TOPBP1: variants seen among roughly 807,000 people sequenced by gnomAD.
The protein encoded by TOPBP1 is DNA topoisomerase II binding protein 1.
Under a neutral mutation model 167.7 loss-of-function variants are expected in TOPBP1, and 28 were observed. The observed-to-expected ratio is 0.17, with a 90% confidence interval of 0.12 to 0.23. TOPBP1 has a LOEUF of 0.23. Ranked by LOEUF, TOPBP1 falls within the 10% of genes least tolerant of loss-of-function variation. The pLI is 1.00. For synonymous variants in TOPBP1, 598 were observed against 611.4 expected (o/e 0.98, Z 0.32); for missense variants, 1,554 against 1,809.6 (o/e 0.86, Z 2.56).
chr3:133,648,990 A>AT (rs1471886341), intron 10 of TOPBP1, among the ~76,000 whole-genome samples: 23 of 152,224 alleles, frequency 1.5e-4, no homozygotes, highest in African/African-American at 5.5e-4. Flanking sequence ...TTCACTGGCA[A>AT]TTTACCTTAC....
Position 133,610,903 on chromosome 3 carries a change from A to G in TOPBP1, c.4173+101T>C, listed in dbSNP as rs184346289. On this transcript the variant is annotated intron_variant, in intron 25 of 27. Transcript: ENST00000260810. ...AAAAATTTGGGGAAAAAAGACAAGT[A>G]GAATCATTATTTCCTGAAGCACATT... 127 of 1,316,104 alleles carry G rather than the reference A, an allele frequency of 9.6e-5. 1 individual carries two copies. In the African/African-American group the frequency reaches 1.8e-3, roughly 18 times the overall value. The allele number at this position is 1,316,104 out of a possible 1,614,324, so 81.5% of individuals were successfully genotyped here. A position where few individuals can be genotyped will look rare whatever the true frequency, so the allele number is the denominator to read the frequency against.
At chr3:133,623,594 T>G (rs1935171331) in intron 17 of TOPBP1, 137 bp from the exon 18 acceptor site, 1 of 993,790 alleles carries the variant, frequency 1.0e-6, no homozygotes, top group Non-Finnish European at 1.4e-6. Context: ...AAAAGTAGTT[T>G]ACACTGAAAA....
intron 2 of TOPBP1, among the ~76,000 whole-genome samples, chr3:133,660,230 A>G (rs1434561832): frequency 6.6e-6 from 1 of 152,120 alleles, no homozygotes; most frequent in Non-Finnish European, 1.5e-5. Flanking sequence ...ATCACACCCT[A>G]TTTAAGATTA....
chr3:133,627,109 T>C (rs1270062047), intron 16 of TOPBP1, among the ~76,000 whole-genome samples: 10 of 152,242 alleles, frequency 6.6e-5, no homozygotes, highest in African/African-American at 2.4e-4. Context: ...CTTTATCAAT[T>C]ACCAATCCAT....
chr3:133,610,166 T>C (rs1934626082), intron 25 of TOPBP1, among the ~76,000 whole-genome samples: 1 of 151,644 alleles, frequency 6.6e-6, no homozygotes, highest in Non-Finnish European at 1.5e-5. Flanking sequence ...TGTGGGAGCA[T>C]TCCTTATATC....
chr3:133,617,548 A>G (rs767004390), intron 21 of TOPBP1: 121 of 396,370 alleles, frequency 3.1e-4, no homozygotes, highest in Admixed American at 6.7e-4. Context: ...ATTTATTAGC[A>G]TTAAACAGAG....
At chr3:133,608,239 T>C (rs139555710) in intron 27 of TOPBP1, among the ~76,000 whole-genome samples, 28 of 152,326 alleles carry the variant, frequency 1.8e-4, no homozygotes, top group East Asian at 5.8e-4. Context: ...CTTGGACTCC[T>C]GGAATCGATT....
At chr3:133,635,909 A>C (rs188319152) in intron 14 of TOPBP1, among the ~76,000 whole-genome samples, 2 of 152,360 alleles carry the variant, frequency 1.3e-5, no homozygotes, top group Admixed American at 1.3e-4. Flanking sequence ...CTGGAAATGT[A>C]AATTCTGTAT....
At chr3:133,626,648 G>A (rs1427647273) in intron 16 of TOPBP1, among the ~76,000 whole-genome samples, 1 of 152,040 alleles carries the variant, frequency 6.6e-6, no homozygotes, top group African/African-American at 2.4e-5. Flanking sequence ...CTCAGCCTTG[G>A]GACTGTTGGA....
intron 14 of TOPBP1, among the ~76,000 whole-genome samples, chr3:133,634,894 T>C (rs1243761787): frequency 6.6e-6 from 1 of 152,110 alleles, no homozygotes; most frequent in African/African-American, 2.4e-5. Flanking sequence ...TATTCGATTG[T>C]AGAGTTAAGA....
chr3:133,641,367 T>C (rs1353867809), intron 12 of TOPBP1, among the ~76,000 whole-genome samples: 1 of 152,122 alleles, frequency 6.6e-6, no homozygotes, highest in Non-Finnish European at 1.5e-5. Flanking sequence ...AAATATATAT[T>C]TGTTTGTTTG....
At chr3:133,639,501 G>A (rs911622165) in intron 13 of TOPBP1, among the ~76,000 whole-genome samples, 10 of 152,134 alleles carry the variant, frequency 6.6e-5, no homozygotes, top group African/African-American at 2.4e-4. Context: ...TAATGTAAAT[G>A]ACGAATTAAT....
At chr3:133,649,981 TTC>T in intron 8 of TOPBP1, 38 bp from the exon 9 acceptor site, 1 of 1,466,802 alleles carries the variant, frequency 6.8e-7, no homozygotes, top group Non-Finnish European at 9.0e-7. Context: ...ATAACATGCT[TTC>T]TCTCAATAGA....
intron 12 of TOPBP1, among the ~76,000 whole-genome samples, chr3:133,642,156 A>AT (rs200257601): frequency 2.3e-3 from 353 of 150,706 alleles, no homozygotes; most frequent in African/African-American, 7.8e-3. Context: ...TGCCTGGCTC[A>AT]TTTTTTTTTA....
At chr3:133,619,880 G>A (rs1935025549) in intron 20 of TOPBP1, among the ~76,000 whole-genome samples, 1 of 152,114 alleles carries the variant, frequency 6.6e-6, no homozygotes, top group South Asian at 2.1e-4. Flanking sequence ...AGCAAGAAAT[G>A]GAAGGACAAG....
chr3:133,610,788 C>A (rs911186511), intron 25 of TOPBP1, among the ~76,000 whole-genome samples: 4 of 152,044 alleles, frequency 2.6e-5, no homozygotes, highest in South Asian at 2.1e-4. Context: ...AGGTCAAGAA[C>A]CCCTGACATT....
Position 133,628,400 on chromosome 3 carries a change from T to C in TOPBP1, c.2766A>G (p.Glu922=). The C allele has an allele frequency of 1.2e-6, 2 of 1,608,564 alleles. No individual in the cohort carries two copies. The highest frequency in any genetic ancestry group is 1.7e-6 in the Non-Finnish European group (2 of 1,177,262). ...VSKKLSKKQS[E]LNGIAASLGA... ...CTAGAGAGGCTGCGATCCCATTTAG[T>C]TCACTCTGCTTCTTACTGAGTTTTT... is the stretch of plus-strand genomic sequence containing the variant. The change falls in exon 16 of 28, where the codon GAA becomes GAG. Residue 922 remains glutamate (E), a synonymous_variant. Transcript: ENST00000260810.
At chr3:133,643,108 C>T in intron 12 of TOPBP1, 92 bp downstream of exon 12, 1 of 1,288,214 alleles carries the variant, frequency 7.8e-7, no homozygotes, top group Non-Finnish European at 1.0e-6. Flanking sequence ...AATAAAGACA[C>T]CCAACCAAAT....
chr3:133,623,201 A>C lies in TOPBP1; in HGVS notation c.3076-8T>G. 1 of 1,611,088 alleles carries C rather than the reference A, an allele frequency of 6.2e-7. No individual in the cohort carries two copies. The highest frequency in any genetic ancestry group is 1.1e-5 in the South Asian group (1 of 90,544). ...TAAAATCAAAGGATCTGGCTATTGAAAAAGAAAAATTATAAATTCTCAAAC... is the reference window on the plus strand; with the variant it reads ...TAAAATCAAAGGATCTGGCTATTGACAAAGAAAAATTATAAATTCTCAAAC... On this transcript the variant is annotated splice_region_variant and splice_polypyrimidine_tract_variant and intron_variant, in intron 18 of 27. Transcript: ENST00000260810.
Sources: gnomAD v4.1 joint callset for allele counts (sites outside exome capture counted in the v4.1 genomes callset) on GRCh38, gnomAD v4.1.1 for gene constraint, MANE v1.5 for transcripts, NCBI Gene and HGNC (gene_info 2026-07-23, HGNC 2026-07-21) for gene names.